The following CABLES1 variants were observed in gnomAD, a reference collection of about 807,000 sequenced individuals.
CABLES1 encodes the protein Cdk5 and Abl enzyme substrate 1, also known as CDK5 and ABL1 enzyme substrate 1.
In CABLES1, 36 loss-of-function variants were observed where a neutral mutation model predicts 57.8. The ratio of observed to expected loss-of-function variants is 0.62; its 90% CI spans 0.48 to 0.82. The LOEUF is 0.82. Ranked by LOEUF, CABLES1 falls within the 40% of genes least tolerant of loss-of-function variation. CABLES1 has a pLI of 0.00. For synonymous variants in CABLES1, 374 were observed against 363.0 expected, an observed-to-expected ratio of 1.03 and a Z score of -0.35; for missense variants, 767 against 836.6, an observed-to-expected ratio of 0.92 and a Z score of 1.03.
At chr18:23,215,589 T>G (rs2047435707) in intron 4 of CABLES1, among the ~76,000 whole-genome samples, 1 of 152,106 alleles carries the variant, frequency 6.6e-6, no homozygotes, top group Admixed American at 6.5e-5. Context: ...GACACATTCT[T>G]TCCTTAGCTC....
At chr18:23,230,378 AAAAC>A (rs1450386889) in intron 4 of CABLES1, among the ~76,000 whole-genome samples, 3 of 152,304 alleles carry the variant, frequency 2.0e-5, no homozygotes, top group Admixed American at 2.0e-4. Flanking sequence ...TCTCAAAACA[AAAAC>A]AAAAAAAACC....
chr18:23,167,795 C>T (rs1197935732), intron 1 of CABLES1, among the ~76,000 whole-genome samples: 2 of 151,646 alleles, frequency 1.3e-5, no homozygotes, highest in Non-Finnish European at 1.5e-5. Context: ...TGCTGCAGGT[C>T]GTTGGGGGCC....
At chr18:23,191,833 C>T (rs1318501959) in intron 2 of CABLES1, among the ~76,000 whole-genome samples, 3 of 146,250 alleles carry the variant, frequency 2.1e-5, no homozygotes, top group Non-Finnish European at 4.5e-5. Context: ...ATTCCAGTTC[C>T]TTGGCAATTG....
chr18:23,246,423 G>A (rs1411517130), intron 7 of CABLES1, among the ~76,000 whole-genome samples: 2 of 151,608 alleles, frequency 1.3e-5, no homozygotes, highest in African/African-American at 2.4e-5. Context: ...ACGGAGTCTT[G>A]CTCTGTCGCC....
chr18:23,156,290 A>G (rs899618702), intron 1 of CABLES1, among the ~76,000 whole-genome samples: 1 of 152,198 alleles, frequency 6.6e-6, no homozygotes, highest in South Asian at 2.1e-4. Context: ...TCTGAGCTCC[A>G]TAGACCTTGG....
chr18:23,215,261 C>T (rs1321600093), intron 4 of CABLES1, among the ~76,000 whole-genome samples: 1 of 152,170 alleles, frequency 6.6e-6, no homozygotes, highest in East Asian at 1.9e-4. Flanking sequence ...TGTTTTCGGG[C>T]AGCTCTCTTT....
intron 1 of CABLES1, among the ~76,000 whole-genome samples, chr18:23,181,230 A>G (rs2047163430): frequency 6.6e-6 from 1 of 152,140 alleles, no homozygotes; most frequent in African/African-American, 2.4e-5. Context: ...ATCCCAGCTC[A>G]CGCCTGTAAT....
intron 2 of CABLES1, among the ~76,000 whole-genome samples, chr18:23,193,596 C>G (rs1004426526): frequency 1.3e-5 from 2 of 152,172 alleles, no homozygotes; most frequent in African/African-American, 4.8e-5. Flanking sequence ...GGTAGCAAAA[C>G]CCAAAATCGA....
chr18:23,252,766 T>G (rs2048070131), intron 7 of CABLES1, among the ~76,000 whole-genome samples, 194 bp from the exon 8 acceptor site: 1 of 152,192 alleles, frequency 6.6e-6, no homozygotes, highest in East Asian at 1.9e-4. Flanking sequence ...AGTGGTGACT[T>G]GTTTTCCGTT....
At chr18:23,242,522 G>A (rs1289939660) in intron 7 of CABLES1, among the ~76,000 whole-genome samples, 1 of 152,170 alleles carries the variant, frequency 6.6e-6, no homozygotes, top group African/African-American at 2.4e-5. Flanking sequence ...TGGCAGCCCA[G>A]GTCGGTAGTG....
intron 7 of CABLES1, among the ~76,000 whole-genome samples, chr18:23,246,189 G>A (rs1365451077): frequency 2.0e-5 from 3 of 151,768 alleles, no homozygotes; most frequent in Admixed American, 6.6e-5. Context: ...GCTTGAACCT[G>A]GGAGGCAGAG....
intron 1 of CABLES1, among the ~76,000 whole-genome samples, chr18:23,173,288 C>A (rs528320583): frequency 6.6e-6 from 1 of 152,232 alleles, no homozygotes; most frequent in Non-Finnish European, 1.5e-5. Context: ...CTGCTGCGCA[C>A]AGACACCTGC....
intron 1 of CABLES1, among the ~76,000 whole-genome samples, chr18:23,164,469 G>A (rs1476042291): frequency 6.6e-6 from 1 of 151,962 alleles, no homozygotes; most frequent in Non-Finnish European, 1.5e-5. Context: ...TTAAGTGTCT[G>A]GGCCCATGTT....
chr18:23,238,213 T>G (rs2047653324), intron 7 of CABLES1, among the ~76,000 whole-genome samples: 1 of 152,086 alleles, frequency 6.6e-6, no homozygotes, highest in Non-Finnish European at 1.5e-5. Flanking sequence ...GTAGCCAGAG[T>G]GGAAACCAAT....
chr18:23,226,790 AT>A (rs1401372249), intron 4 of CABLES1, among the ~76,000 whole-genome samples: 1 of 152,182 alleles, frequency 6.6e-6, no homozygotes, highest in Non-Finnish European at 1.5e-5. Flanking sequence ...GTGGGTTGGT[AT>A]TTCTGTACAC....
At chr18:23,186,474 G>A (rs2047203635) in intron 1 of CABLES1, among the ~76,000 whole-genome samples, 1 of 151,226 alleles carries the variant, frequency 6.6e-6, no homozygotes, top group South Asian at 2.1e-4. Context: ...TGCCCAGGCT[G>A]GAGTGCAGTG....
chr18:23,187,542 A>C (rs951121220), intron 1 of CABLES1, among the ~76,000 whole-genome samples: 1 of 152,112 alleles, frequency 6.6e-6, no homozygotes, highest in African/African-American at 2.4e-5. Context: ...GCCCGCCACC[A>C]CACCCGGCTA....
chr18:23,219,521 G>A (rs938583348), intron 4 of CABLES1, among the ~76,000 whole-genome samples: 1 of 152,236 alleles, frequency 6.6e-6, no homozygotes, highest in Admixed American at 6.5e-5. Context: ...CTCTCAGGCA[G>A]GGCCTGCCCT....
intron 6 of CABLES1, among the ~76,000 whole-genome samples, chr18:23,236,456 G>A (rs1270634245): frequency 6.6e-6 from 1 of 152,130 alleles, no homozygotes; most frequent in Non-Finnish European, 1.5e-5. Context: ...TTTCCTTTGT[G>A]CCTATCTTGG....
Sources: gnomAD v4.1 joint callset for allele counts (sites outside exome capture counted in the v4.1 genomes callset) on GRCh38, gnomAD v4.1.1 for gene constraint, MANE v1.5 for transcripts, NCBI Gene and HGNC (gene_info 2026-07-23, HGNC 2026-07-21) for gene names.